SLC6A4: variants seen among roughly 807,000 people sequenced by gnomAD.
SLC6A4 encodes sodium-dependent serotonin transporter.
Under a neutral mutation model 73.4 loss-of-function variants are expected in SLC6A4, and 22 were observed. That is an observed-to-expected ratio of 0.30 (90% CI 0.21 to 0.43). The LOEUF (loss-of-function observed/expected upper bound fraction) is 0.43. Ranked by LOEUF, SLC6A4 falls within the 20% of genes least tolerant of loss-of-function variation. The pLI, the probability that SLC6A4 is intolerant of heterozygous loss-of-function variation, is 1.00. For synonymous variants in SLC6A4, 270 were observed against 315.5 expected (o/e 0.86, Z 1.53); for missense variants, 593 against 808.5 (o/e 0.73, Z 3.23).
chr17:30,208,155 A>G (rs1045806271), intron 12 of SLC6A4, among the ~76,000 whole-genome samples: 15 of 152,012 alleles, frequency 9.9e-5, no homozygotes, highest in African/African-American at 3.6e-4. Context: ...ATTTGGGAGG[A>G]TGGATGGGCA....
intron 13 of SLC6A4, 197 bp from the exon 14 acceptor site, chr17:30,203,536 G>A: frequency 3.5e-6 from 2 of 569,902 alleles, no homozygotes; most frequent in East Asian, 5.9e-5. Flanking sequence ...ACACCAGCCA[G>A]GTGCTTTCCC....
intron 13 of SLC6A4, among the ~76,000 whole-genome samples, chr17:30,205,286 T>C (rs1289042438): frequency 6.6e-6 from 1 of 152,130 alleles, no homozygotes; most frequent in Non-Finnish European, 1.5e-5. Flanking sequence ...TGCCTTCAAG[T>C]CTCCCCTAGA....
chr17:30,214,630 CTTTCTTTTTTT>C (rs1216315158), intron 8 of SLC6A4, among the ~76,000 whole-genome samples: 2 of 145,326 alleles, frequency 1.4e-5, no homozygotes, highest in Non-Finnish European at 3.0e-5. Flanking sequence ...CTCTTTCTTT[CTTTCTTTTTTT>C]TTTTTTTTTT....
intron 13 of SLC6A4, among the ~76,000 whole-genome samples, chr17:30,207,107 C>A (rs977667281): frequency 3.3e-5 from 5 of 152,140 alleles, no homozygotes; most frequent in African/African-American, 1.2e-4. Context: ...AGCCTGAAGT[C>A]TGGCCTGGCA....
chr17:30,218,492 G>T (rs1159608958), intron 4 of SLC6A4, among the ~76,000 whole-genome samples, 155 bp from the exon 5 acceptor site: 1 of 152,182 alleles, frequency 6.6e-6, no homozygotes, highest in Non-Finnish European at 1.5e-5. Context: ...AGGCCACCGT[G>T]GGAAAAGTGG....
At chr17:30,231,941 A>T (rs2143016687) in intron 1 of SLC6A4, among the ~76,000 whole-genome samples, 1 of 152,324 alleles carries the variant, frequency 6.6e-6, no homozygotes, top group Non-Finnish European at 1.5e-5. Context: ...CTCAAGTTCT[A>T]GGCCTGGCTT....
chr17:30,225,125 C>T (rs1240342982), intron 1 of SLC6A4, among the ~76,000 whole-genome samples: 1 of 152,190 alleles, frequency 6.6e-6, no homozygotes, highest in Non-Finnish European at 1.5e-5. Context: ...CTCTCTCTAT[C>T]CAGCTGTGCT....
intron 1 of SLC6A4, among the ~76,000 whole-genome samples, chr17:30,234,934 A>G (rs1907223264): frequency 6.6e-6 from 1 of 152,198 alleles, no homozygotes; most frequent in Non-Finnish European, 1.5e-5. Flanking sequence ...AGCTCCAGAG[A>G]GCTTTTTTTC....
In SLC6A4 at chr17:30,211,673, G is replaced by A. The variant is rs1018188419; in HGVS notation, c.1205-249C>T. On this transcript the variant is annotated intron_variant, in intron 9 of 14. Transcript: ENST00000650711. The surrounding 1 kb of genome is among the most constrained non-coding windows in gnomAD (Gnocchi z 4.0). The stretch of plus-strand genomic sequence containing the variant: ...TGTGTGCCCTCCATTAACCCTGGGG[G>A]TGGGTAACAGATCCAAGACCCAGAG... Among the ~76,000 whole-genome samples the A allele has an allele frequency of 6.6e-6, 1 of 152,172 alleles. No homozygotes were observed. The highest frequency in any genetic ancestry group is 2.4e-5 in the African/African-American group (1 of 41,428).
At position 30,228,617 on chromosome 17, in the gene SLC6A4, T is replaced by C. The variant is rs144125639; in HGVS notation, c.-220-5702A>G. ...TGGGCACTCAGGGATCTGCAGTTTT[T>C]AACAAATACCGCAGGTTATTCAGGG... On this transcript the variant is annotated intron_variant, in intron 1 of 14. Coordinates refer to ENST00000650711, the MANE Select transcript of SLC6A4 (RefSeq NM_001045.6). 3.1e-3 allele frequency among the ~76,000 whole-genome samples: 476 copies of C among 152,274 alleles called. 3 individuals are homozygous for C. Among genetic ancestry groups the C allele is most frequent in the Non-Finnish European group, 5.5e-3 (376 of 68,024 alleles).
At chr17:30,231,867 C>T (rs1305682570) in intron 1 of SLC6A4, among the ~76,000 whole-genome samples, 1 of 152,010 alleles carries the variant, frequency 6.6e-6, no homozygotes, top group Non-Finnish European at 1.5e-5. Flanking sequence ...TAATTTGGTT[C>T]GCCTTTTAAA....
chr17:30,199,050 T>C (rs1279935998), intron 14 of SLC6A4, among the ~76,000 whole-genome samples: 3 of 152,170 alleles, frequency 2.0e-5, no homozygotes, highest in Non-Finnish European at 4.4e-5. Flanking sequence ...AAAGCAATAC[T>C]GGTTAGTTCA....
intron 1 of SLC6A4, among the ~76,000 whole-genome samples, chr17:30,230,098 G>GAGGAAGAGGAA (rs1555591454): frequency 2.9e-4 from 26 of 89,556 alleles, no homozygotes; most frequent in African/African-American, 1.0e-3. Context: ...AAGAAGAAGA[G>GAGGAAGAGGAA]GAGGAAGAGG....
chr17:30,206,895 G>A lies in SLC6A4; in HGVS notation c.1650+837C>T, dbSNP rs953073121. ...TAATTTTTATATTTTTAGTAGAGAC[G>A]GGGTTTCACCATGTTGGCCAGGCTG... is the stretch of plus-strand genomic sequence containing the variant. On this transcript the variant is annotated intron_variant, in intron 13 of 14. Transcript: ENST00000650711. Among the ~76,000 whole-genome samples, 5 of 151,112 alleles carry A rather than the reference G, an allele frequency of 3.3e-5. 1 individual carries two copies. In the South Asian group the frequency reaches 8.4e-4, roughly 25 times the overall value.
chr17:30,218,767 C>T (rs752556925), intron 4 of SLC6A4, 30 bp downstream of exon 4: 2 of 1,612,650 alleles, frequency 1.2e-6, no homozygotes. Flanking sequence ...AGAGGCTCCA[C>T]TTACCCACCC....
intron 13 of SLC6A4, among the ~76,000 whole-genome samples, chr17:30,207,515 G>A (rs1906245664): frequency 6.6e-6 from 1 of 152,104 alleles, no homozygotes; most frequent in Non-Finnish European, 1.5e-5. Flanking sequence ...AGCTTCCTGA[G>A]TAGCTGGGAT....
chr17:30,196,461 A>G lies in SLC6A4; in HGVS notation c.*1995T>C, dbSNP rs201180798. On this transcript the variant is annotated 3_prime_UTR_variant, in exon 15 of 15. Coordinates refer to ENST00000650711, the MANE Select transcript of SLC6A4 (RefSeq NM_001045.6). ...GGCAAAACGCTAATTCTGTTTGAAA[A>G]GGTGTTTTTTTAAAAGTAGTATATT... 6.6e-6 allele frequency: 1 copy of G among 152,280 alleles called. No homozygotes were observed. The highest frequency in any genetic ancestry group is 1.5e-5 in the Non-Finnish European group (1 of 68,024). 9.4% of individuals were successfully genotyped at this position (152,280 alleles called of 1,614,324 possible).
At chr17:30,234,449 C>T (rs1285488434) in intron 1 of SLC6A4, among the ~76,000 whole-genome samples, 2 of 152,212 alleles carry the variant, frequency 1.3e-5, no homozygotes, top group African/African-American at 4.8e-5. Context: ...CATATTGGAA[C>T]GGTCACTGCC....
Position 30,215,718 on chromosome 17 carries a change from G to C in SLC6A4, c.973-4C>G. 1 of 1,613,256 alleles carries C rather than the reference G, an allele frequency of 6.2e-7. No individual in the cohort carries two copies. Among genetic ancestry groups the C allele is most frequent in the Non-Finnish European group, 8.5e-7 (1 of 1,179,290 alleles). On this transcript the variant is annotated splice_region_variant and splice_polypyrimidine_tract_variant and intron_variant, in intron 7 of 14. Coordinates refer to ENST00000650711, the MANE Select transcript of SLC6A4 (RefSeq NM_001045.6). Reference sequence around the variant, plus strand: ...GAGCGGCTGCATCTATCCACACCTGGAACACAGCAGGGGTAAGGGCATGGG... The same window carrying C: ...GAGCGGCTGCATCTATCCACACCTGCAACACAGCAGGGGTAAGGGCATGGG...
Sources: gnomAD v4.1 joint callset for allele counts (sites outside exome capture counted in the v4.1 genomes callset) on GRCh38, gnomAD v4.1.1 for gene constraint, Gnocchi (gnomAD v3.1) non-coding constraint, MANE v1.5 for transcripts, NCBI Gene and HGNC (gene_info 2026-07-23, HGNC 2026-07-21) for gene names.